TMEM218: variants seen among roughly 807,000 people sequenced by gnomAD.
TMEM218 encodes the protein transmembrane protein 218.
TMEM218 carries 8 observed loss-of-function variants against 10.0 expected under a neutral mutation model. That is an observed-to-expected ratio of 0.80 (90% CI 0.47 to 1.44). TMEM218 has a LOEUF of 1.44. Ranked by LOEUF, TMEM218 falls within the 40% of genes most tolerant of loss-of-function variation. The probability of loss-of-function intolerance (pLI) is 0.00; values close to 1 mark genes in which losing one functional copy is unlikely to be tolerated. For missense variants in TMEM218, 110 were observed against 140.1 expected, an observed-to-expected ratio of 0.79 and a Z score of 1.08; for synonymous variants, 66 against 63.5, an observed-to-expected ratio of 1.04 and a Z score of -0.18.
intron 1 of TMEM218, among the ~76,000 whole-genome samples, chr11:125,106,595 A>G (rs1019771415): frequency 6.6e-6 from 1 of 152,244 alleles, no homozygotes; most frequent in Non-Finnish European, 1.5e-5. Context: ...GCTCAACTTC[A>G]TTAGTCATCC....
In TMEM218 at chr11:125,108,562, GGT is replaced by G. The variant is rs1222723468; in HGVS notation, c.-153+2975_-153+2976del. Among the ~76,000 whole-genome samples, 1 of 152,180 alleles carries G rather than the reference GGT, an allele frequency of 6.6e-6. No homozygotes were observed. Among genetic ancestry groups the G allele is most frequent in the African/African-American group, 2.4e-5 (1 of 41,458 alleles). On this transcript the variant is annotated intron_variant, in intron 1 of 4. Coordinates refer to ENST00000682305, the MANE Select transcript of TMEM218 (RefSeq NM_001258244.2). This position sits in a 1 kb window ranked among gnomAD's most constrained non-coding sequence, Gnocchi z 5.3. ...AAAAGCTTCAAATGCAGACTATGCAGGTGTGTTGTTCTGGCAACTCAAATACC... is the reference window on the plus strand; with the variant it reads ...AAAAGCTTCAAATGCAGACTATGCAGGTGTTGTTCTGGCAACTCAAATACC...
At chr11:125,098,449 G>T (rs1950049565) in intron 4 of TMEM218, among the ~76,000 whole-genome samples, 1 of 152,168 alleles carries the variant, frequency 6.6e-6, no homozygotes, top group African/African-American at 2.4e-5. Flanking sequence ...CCCTTCCAGA[G>T]CTCCACTCTC....
intron 2 of TMEM218, 124 bp downstream of exon 2, chr11:125,102,610 G>A (rs1480780960): frequency 7.6e-7 from 1 of 1,313,388 alleles, no homozygotes. Flanking sequence ...GGAGAAAGCT[G>A]AACCCTCTCT....
At chr11:125,106,600 T>C (rs1952226183) in intron 1 of TMEM218, among the ~76,000 whole-genome samples, 1 of 152,224 alleles carries the variant, frequency 6.6e-6, no homozygotes, top group Non-Finnish European at 1.5e-5. Context: ...ACTTCATTAG[T>C]CATCCGGAAA....
intron 1 of TMEM218, among the ~76,000 whole-genome samples, chr11:125,106,444 G>A (rs1312669765): frequency 6.6e-6 from 1 of 152,044 alleles, no homozygotes; most frequent in Non-Finnish European, 1.5e-5. Context: ...ACTGACAGAA[G>A]TACTACAATA....
In TMEM218 at chr11:125,106,727, G is replaced by A. The variant is rs550280887; in HGVS notation, c.-152-3918C>T. 2.6e-5 allele frequency among the ~76,000 whole-genome samples: 4 copies of A among 152,300 alleles called. No individual in the cohort carries two copies. In the South Asian group the frequency reaches 6.2e-4, roughly 24 times the overall value. On this transcript the variant is annotated intron_variant, in intron 1 of 4. Coordinates refer to ENST00000682305, the MANE Select transcript of TMEM218 (RefSeq NM_001258244.2). Reference sequence around the variant, plus strand: ...TGGAGTAACTGGAACCCTCATATACGGCTGGCAAGGGCCATAATTTGTTAA... The same window carrying A: ...TGGAGTAACTGGAACCCTCATATACAGCTGGCAAGGGCCATAATTTGTTAA...
chr11:125,100,493 A>G (rs756488224), intron 4 of TMEM218, among the ~76,000 whole-genome samples: 3 of 152,242 alleles, frequency 2.0e-5, no homozygotes, highest in Non-Finnish European at 4.4e-5. Flanking sequence ...CTATCACTTA[A>G]AACATCAAAA....
intron 4 of TMEM218, among the ~76,000 whole-genome samples, chr11:125,098,502 C>T (rs546655654): frequency 6.6e-6 from 1 of 152,290 alleles, no homozygotes; most frequent in Admixed American, 6.5e-5. Context: ...CAGGAAAAAG[C>T]AATTTAATCT....
rs1188439703 is a variant in TMEM218, at chr11:125,095,497, C to CT, written c.*2108dup. On this transcript the variant is annotated 3_prime_UTR_variant, in exon 5 of 5. Transcript: ENST00000682305. ...TACGTCTTATCCCAACCCTGCGGGG[C>CT]TTTTTTTGCATAACTGCATTGAGTA... 6.6e-6 allele frequency among the ~76,000 whole-genome samples: 1 copy of CT among 152,084 alleles called. No homozygotes were observed. The highest frequency in any genetic ancestry group is 2.4e-5 in the African/African-American group (1 of 41,396).
rs1949421241 is a variant in TMEM218 at position 125,094,777 on chromosome 11, A to G, written c.*2829T>C. Among the ~76,000 whole-genome samples, 1 of 152,232 alleles carries G rather than the reference A, an allele frequency of 6.6e-6. No homozygotes were observed. The highest frequency in any genetic ancestry group is 6.5e-5 in the Admixed American group (1 of 15,288). ...AAAATGGATTGCTTTATGTTAGAAT[A>G]AAAACATTTAAAAATAAATTGGATG... On this transcript the variant is annotated 3_prime_UTR_variant, in exon 5 of 5. Coordinates refer to ENST00000682305, the MANE Select transcript of TMEM218 (RefSeq NM_001258244.2).
chr11:125,106,287 C>G (rs1952122274), intron 1 of TMEM218, among the ~76,000 whole-genome samples: 1 of 151,392 alleles, frequency 6.6e-6, no homozygotes, highest in Non-Finnish European at 1.5e-5. Flanking sequence ...AAAATATAAG[C>G]TATGAAGCAA....
At chr11:125,101,730 C>A in intron 3 of TMEM218, 1 of 512,462 alleles carries the variant, frequency 2.0e-6, no homozygotes, top group Non-Finnish European at 3.4e-6. Context: ...TAACCCTGTT[C>A]TGAAGGCAAT....
intron 1 of TMEM218, among the ~76,000 whole-genome samples, chr11:125,107,987 A>G (rs189298921): frequency 1.3e-5 from 2 of 152,258 alleles, no homozygotes; most frequent in Non-Finnish European, 2.9e-5. Context: ...CAATTAAAAA[A>G]ATCTCAATTT....
chr11:125,108,591 C>T lies in TMEM218; in HGVS notation c.-153+2948G>A, dbSNP rs528724491. Among the ~76,000 whole-genome samples the T allele has an allele frequency of 1.9e-4, 29 of 152,246 alleles. No individual in the cohort carries two copies. Among genetic ancestry groups the T allele is most frequent in the African/African-American group, 6.3e-4 (26 of 41,546 alleles). On this transcript the variant is annotated intron_variant, in intron 1 of 4. Transcript: ENST00000682305. The surrounding 1 kb of genome is among the most constrained non-coding windows in gnomAD (Gnocchi z 5.3). ...TGTTGTTCTGGCAACTCAAATACCA[C>T]GAGCTGTGCTGCCTTCAGTTATGTG... is the stretch of plus-strand genomic sequence containing the variant.
At chr11:125,102,563 AC>A in intron 2 of TMEM218, 170 bp downstream of exon 2, 1 of 1,357,256 alleles carries the variant, frequency 7.4e-7, no homozygotes, top group South Asian at 1.2e-5. Context: ...CAAATTTGGT[AC>A]CTGAGTTCTA....
chr11:125,103,384 C>T (rs1280701173), intron 1 of TMEM218: 4 of 152,334 alleles, frequency 2.6e-5, no homozygotes, highest in Non-Finnish European at 4.4e-5. Context: ...TCCATGAAAC[C>T]AGTCCCTGGT....
chr11:125,098,318 A>G (rs1202348534), intron 4 of TMEM218, among the ~76,000 whole-genome samples: 2 of 152,220 alleles, frequency 1.3e-5, no homozygotes, highest in Non-Finnish European at 2.9e-5. Flanking sequence ...CTAAAAGGAT[A>G]GGTAACTTGC....
At chr11:125,106,594 C>A (rs371381331) in intron 1 of TMEM218, among the ~76,000 whole-genome samples, 1 of 152,216 alleles carries the variant, frequency 6.6e-6, no homozygotes, top group Non-Finnish European at 1.5e-5. Context: ...TGCTCAACTT[C>A]ATTAGTCATC....
chr11:125,094,861 C>G lies in TMEM218; in HGVS notation c.*2745G>C, dbSNP rs1048592. Among the ~76,000 whole-genome samples, 80,402 of 152,018 alleles carry G rather than the reference C, an allele frequency of 0.53. 22,193 individuals carry two copies. Among genetic ancestry groups the G allele is most frequent in the East Asian group, 0.69 (3,576 of 5,160 alleles). ...TAGACACCTTACAGCCTAGTTCTTCCATGGGCTTACTCCACCAGGACTAGT... is the reference window on the plus strand; with the variant it reads ...TAGACACCTTACAGCCTAGTTCTTCGATGGGCTTACTCCACCAGGACTAGT... On this transcript the variant is annotated 3_prime_UTR_variant, in exon 5 of 5. Coordinates refer to ENST00000682305, the MANE Select transcript of TMEM218 (RefSeq NM_001258244.2).
Sources: gnomAD v4.1 joint callset for allele counts (sites outside exome capture counted in the v4.1 genomes callset) on GRCh38, gnomAD v4.1.1 for gene constraint, Gnocchi (gnomAD v3.1) non-coding constraint, MANE v1.5 for transcripts, NCBI Gene and HGNC (gene_info 2026-07-23, HGNC 2026-07-21) for gene names.